Variants in RAP2A observed in about 807,000 individuals in gnomAD.
RAP2A encodes the protein ras-related protein Rap-2a.
A neutral mutation model predicts 15.1 loss-of-function variants in RAP2A; 5 were observed. That is an observed-to-expected ratio of 0.33 (90% CI 0.17 to 0.70). RAP2A has a LOEUF of 0.70. RAP2A is among the 30% of genes least tolerant of loss of function. RAP2A has a pLI of 0.68. For synonymous variants in RAP2A, 110 were observed against 99.7 expected (o/e 1.10, Z -0.62); for missense variants, 111 against 240.3 (o/e 0.46, Z 3.56).
intron 1 of RAP2A, among the ~76,000 whole-genome samples, chr13:97,449,496 C>T (rs1441255029): frequency 6.6e-6 from 1 of 152,182 alleles, no homozygotes; most frequent in African/African-American, 2.4e-5. Context: ...TGCGGCCTCT[C>T]ATTACACCTG....
Position 97,465,999 on chromosome 13 carries a change from GAA to G in RAP2A, c.*1558_*1559del, listed in dbSNP as rs2066769357. 1 of 152,162 alleles carries G rather than the reference GAA, an allele frequency of 6.6e-6. No homozygotes were observed. Among genetic ancestry groups the G allele is most frequent in the Admixed American group, 6.6e-5 (1 of 15,262 alleles). 9.4% of individuals were successfully genotyped at this position (152,162 alleles called of 1,614,324 possible). On this transcript the variant is annotated 3_prime_UTR_variant, in exon 2 of 2. Transcript: ENST00000245304. ...TCTGGTCTTACGTGTGTAACTGAGA[GAA>G]GAGTGTGTGTTTGTGTGTGCATGTG...
chr13:97,462,947 A>AG (rs2066754061), intron 1 of RAP2A, among the ~76,000 whole-genome samples: 2 of 152,226 alleles, frequency 1.3e-5, no homozygotes, highest in African/African-American at 2.4e-5. Context: ...AGTTTCCTGA[A>AG]TGATAAAAAT....
chr13:97,434,366 C>T lies in RAP2A; in HGVS notation c.-105C>T, dbSNP rs1362508334. 2.0e-5 allele frequency: 18 copies of T among 912,022 alleles called. No homozygotes were observed. Among genetic ancestry groups the T allele is most frequent in the African/African-American group, 3.8e-5 (2 of 52,414 alleles). The allele number at this position is 912,022 out of a possible 1,614,324, so 56.5% of individuals were successfully genotyped here. On this transcript the variant is annotated 5_prime_UTR_variant, in exon 1 of 2. Coordinates refer to ENST00000245304, the MANE Select transcript of RAP2A (RefSeq NM_021033.7). ...CGCGGCTGTGAGGTGGGGGCGGCAG[C>T]GGGAGGCGGCGGGGCGGGCCGCCGG...
intron 1 of RAP2A, among the ~76,000 whole-genome samples, chr13:97,459,813 G>C (rs746642794): frequency 6.6e-6 from 1 of 152,150 alleles, no homozygotes; most frequent in Non-Finnish European, 1.5e-5. Flanking sequence ...GAATTGACTT[G>C]TTATGTTTAT....
At chr13:97,449,567 G>A (rs961798578) in intron 1 of RAP2A, among the ~76,000 whole-genome samples, 1 of 152,120 alleles carries the variant, frequency 6.6e-6, no homozygotes, top group African/African-American at 2.4e-5. Flanking sequence ...TTGCCCCACA[G>A]TGAATTCTTA....
rs1195039028 is a variant in RAP2A, at chr13:97,464,502, G to T, written c.*60G>T. 6 of 1,484,140 alleles carry T rather than the reference G, an allele frequency of 4.0e-6. No individual in the cohort carries two copies. Among genetic ancestry groups the T allele is most frequent in the Non-Finnish European group, 4.7e-6 (5 of 1,066,120 alleles). 91.9% of individuals were successfully genotyped at this position (1,484,140 alleles called of 1,614,324 possible). The stretch of plus-strand genomic sequence containing the variant: ...CAATGTCGTAGGTGATAGAAAACTC[G>T]CCTACTCCACTGCAGAACTTGCAGA... On this transcript the variant is annotated 3_prime_UTR_variant, in exon 2 of 2. Coordinates refer to ENST00000245304, the MANE Select transcript of RAP2A (RefSeq NM_021033.7).
At chr13:97,457,015 G>A (rs946218625) in intron 1 of RAP2A, among the ~76,000 whole-genome samples, 5 of 151,968 alleles carry the variant, frequency 3.3e-5, no homozygotes, top group South Asian at 2.1e-4. Context: ...CAAAACTCCC[G>A]TAACACTTTA....
Position 97,434,412 on chromosome 13 carries a change from C to G in RAP2A, c.-59C>G, listed in dbSNP as rs2066623603. 8.1e-7 allele frequency: 1 copy of G among 1,229,414 alleles called. No individual in the cohort carries two copies. Among genetic ancestry groups the G allele is most frequent in the African/African-American group, 1.6e-5 (1 of 62,726 alleles). 76.2% of individuals were successfully genotyped at this position (1,229,414 alleles called of 1,614,324 possible). A position where few individuals can be genotyped will look rare whatever the true frequency, so the allele number is the denominator to read the frequency against. ...GCCGGGGCCGGGGCTGGGGGCGCAG[C>G]GCGGCCGGCGTAGGTCTATGTCGCG... On this transcript the variant is annotated 5_prime_UTR_variant, in exon 1 of 2. Coordinates refer to ENST00000245304, the MANE Select transcript of RAP2A (RefSeq NM_021033.7).
intron 1 of RAP2A, among the ~76,000 whole-genome samples, chr13:97,435,208 A>G (rs956213881): frequency 2.0e-5 from 3 of 152,196 alleles, no homozygotes; most frequent in Non-Finnish European, 2.9e-5. Flanking sequence ...CTATACAGTA[A>G]AGTCAAGTCC....
chr13:97,455,760 T>A (rs752546831), intron 1 of RAP2A, among the ~76,000 whole-genome samples: 10 of 151,488 alleles, frequency 6.6e-5, no homozygotes, highest in Non-Finnish European at 1.2e-4. Flanking sequence ...TTATGTTGAT[T>A]CATACACAGA....
intron 1 of RAP2A, among the ~76,000 whole-genome samples, chr13:97,443,697 T>C (rs957468544): frequency 2.0e-5 from 3 of 152,200 alleles, no homozygotes; most frequent in African/African-American, 7.2e-5. Flanking sequence ...TGGTCCTAAA[T>C]TAATTCATCT....
intron 1 of RAP2A, among the ~76,000 whole-genome samples, chr13:97,444,697 A>G (rs1475484350): frequency 6.6e-6 from 1 of 152,210 alleles, no homozygotes; most frequent in Non-Finnish European, 1.5e-5. Flanking sequence ...TTTTAAAGAC[A>G]CTTTCATTTC....
Position 97,434,504 on chromosome 13 carries a change from G to A in RAP2A, c.34G>A (p.Gly12Ser). 6.2e-7 allele frequency: 1 copy of A among 1,612,646 alleles called. No homozygotes were observed. The highest frequency in any genetic ancestry group is 8.5e-7 in the Non-Finnish European group (1 of 1,179,180). The change falls in exon 1 of 2, where the codon GGC becomes AGC. Residue 12 changes from glycine to serine, a missense_variant. Gly to Ser is a moderately conservative substitution (Grantham distance 56, BLOSUM62 0). Transcript: ENST00000245304. ...GTACAAAGTGGTGGTGCTGGGCTCG[G>A]GCGGGGTAGGCAAATCCGCCCTGAC... ...REYKVVVLGS[G>S]GVGKSALTVQ...
At chr13:97,436,725 A>G (rs2066635856) in intron 1 of RAP2A, among the ~76,000 whole-genome samples, 1 of 152,236 alleles carries the variant, frequency 6.6e-6, no homozygotes, top group Admixed American at 6.5e-5. Context: ...GGAAAAACAT[A>G]GAGTAAAATT....
chr13:97,449,650 T>C (rs574647777), intron 1 of RAP2A, among the ~76,000 whole-genome samples: 41 of 152,346 alleles, frequency 2.7e-4, no homozygotes, highest in African/African-American at 9.9e-4. Flanking sequence ...TCATTCTCCA[T>C]TGGCTGCTGT....
intron 1 of RAP2A, among the ~76,000 whole-genome samples, chr13:97,459,224 T>G (rs2066736379): frequency 6.6e-6 from 1 of 152,068 alleles, no homozygotes; most frequent in Non-Finnish European, 1.5e-5. Context: ...TTTGAGAATT[T>G]TGCATCTTTA....
At chr13:97,445,670 G>A (rs999661640) in intron 1 of RAP2A, among the ~76,000 whole-genome samples, 4 of 152,148 alleles carry the variant, frequency 2.6e-5, no homozygotes, top group Non-Finnish European at 5.9e-5. Flanking sequence ...ATCTCAATAG[G>A]TGCAGCTGCT....
At chr13:97,450,227 G>A (rs946285900) in intron 1 of RAP2A, among the ~76,000 whole-genome samples, 1 of 152,138 alleles carries the variant, frequency 6.6e-6, no homozygotes, top group Non-Finnish European at 1.5e-5. Flanking sequence ...TTTTGCCAAA[G>A]ATGCTGAAAA....
intron 1 of RAP2A, among the ~76,000 whole-genome samples, chr13:97,455,057 T>A (rs2153180009): frequency 6.6e-6 from 1 of 151,578 alleles, no homozygotes; most frequent in East Asian, 1.9e-4. Context: ...GTCTGTAGTT[T>A]CAAATGATTT....
Sources: allele counts gnomAD v4.1 joint callset (sites outside exome capture counted in the v4.1 genomes callset), GRCh38; gene constraint gnomAD v4.1.1; transcripts MANE v1.5; gene names NCBI Gene and HGNC (gene_info 2026-07-23, HGNC 2026-07-21).